The following ARHGAP28 variants were observed in gnomAD, a reference collection of about 807,000 sequenced individuals.
The protein encoded by ARHGAP28 is rho GTPase-activating protein 28.
A neutral mutation model predicts 90.7 loss-of-function variants in ARHGAP28; 56 were observed. The ratio of observed to expected loss-of-function variants is 0.62; its 90% confidence interval spans 0.50 to 0.77. The LOEUF (loss-of-function observed/expected upper bound fraction) is 0.77. Among genes scored for constraint, ARHGAP28 ranks in the 30% least tolerant of loss-of-function variants. The pLI, the probability that ARHGAP28 is intolerant of heterozygous loss-of-function variation, is 0.00. For missense variants in ARHGAP28, 869 were observed against 900.9 expected, an observed-to-expected ratio of 0.96 and a Z score of 0.45; for synonymous variants, 308 against 323.3, an observed-to-expected ratio of 0.95 and a Z score of 0.51.
chr18:6,802,665 G>C (rs777090248), intron 1 of ARHGAP28, among the ~76,000 whole-genome samples: 17 of 151,862 alleles, frequency 1.1e-4, no homozygotes, highest in Non-Finnish European at 2.2e-4. Context: ...TTGTGTTTGT[G>C]TTTTGAGGAA....
intron 5 of ARHGAP28, among the ~76,000 whole-genome samples, chr18:6,865,735 T>A (rs1360060610): frequency 8.5e-5 from 13 of 152,166 alleles, no homozygotes; most frequent in Admixed American, 8.5e-4. Context: ...TAGCAGATAG[T>A]ACCAGGCTCC....
chr18:6,805,924 C>T (rs933441210), intron 1 of ARHGAP28, among the ~76,000 whole-genome samples: 2 of 150,418 alleles, frequency 1.3e-5, no homozygotes, highest in African/African-American at 4.9e-5. Flanking sequence ...CTCACTCTGT[C>T]GCCAGGCTGG....
intron 3 of ARHGAP28, among the ~76,000 whole-genome samples, chr18:6,846,066 T>A (rs7238947): frequency 0.12 from 17,757 of 152,180 alleles, 1,412 homozygotes; most frequent in East Asian, 0.31. Context: ...CCTTTTGAAA[T>A]GGTGCATCGT....
chr18:6,852,718 G>A (rs1654751849), intron 4 of ARHGAP28, among the ~76,000 whole-genome samples: 1 of 152,154 alleles, frequency 6.6e-6, no homozygotes, highest in Non-Finnish European at 1.5e-5. Context: ...GGATGGCTAG[G>A]AGGCTCCGAT....
In ARHGAP28 at chr18:6,851,980, A is replaced by G. The variant is rs2056914129; in HGVS notation, c.636+854A>G. Reference sequence around the variant, plus strand: ...TTTGTTCATTATCTTGACTGTGGTGATGGTTTCATAGGTCTATATAGTTGT... The same window carrying G: ...TTTGTTCATTATCTTGACTGTGGTGGTGGTTTCATAGGTCTATATAGTTGT... On this transcript the variant is annotated intron_variant, in intron 4 of 17. Coordinates refer to ENST00000383472, the MANE Select transcript of ARHGAP28 (RefSeq NM_001366230.1). Among the ~76,000 whole-genome samples the G allele has an allele frequency of 2.6e-5, 4 of 152,078 alleles. No homozygotes were observed. In the South Asian group the frequency reaches 8.3e-4, roughly 32 times the overall value.
chr18:6,847,452 C>G (rs1475583955), intron 3 of ARHGAP28, among the ~76,000 whole-genome samples: 1 of 152,080 alleles, frequency 6.6e-6, no homozygotes, highest in Non-Finnish European at 1.5e-5. Context: ...CTATTTTAGA[C>G]TGGTATGTTG....
chr18:6,889,075 A>G (rs11081281), intron 12 of ARHGAP28, among the ~76,000 whole-genome samples: 40,821 of 152,100 alleles, frequency 0.27, 6,021 homozygotes, highest in East Asian at 0.38. Context: ...CGCCTGGCTC[A>G]CAGCAAACCC....
chr18:6,775,749 T>G (rs540775209), intron 1 of ARHGAP28, among the ~76,000 whole-genome samples: 1 of 152,354 alleles, frequency 6.6e-6, no homozygotes, highest in South Asian at 2.1e-4. Context: ...TTTCACATTC[T>G]ATGGTTTCTT....
At chr18:6,764,659 C>T (rs968014556) in intron 1 of ARHGAP28, among the ~76,000 whole-genome samples, 7 of 152,140 alleles carry the variant, frequency 4.6e-5, no homozygotes, top group Non-Finnish European at 8.8e-5. Context: ...GGCCAGTGAA[C>T]GAGCCAAGAG....
intron 6 of ARHGAP28, among the ~76,000 whole-genome samples, chr18:6,869,141 A>G (rs1179477288): frequency 1.3e-5 from 2 of 152,064 alleles, no homozygotes; most frequent in South Asian, 2.1e-4. Flanking sequence ...TGCTCTCCAA[A>G]GAGGCTCTTT....
rs1248929960 is a variant in ARHGAP28 at position 6,882,303 on chromosome 18, G to A, written c.1453+4G>A. On this transcript the variant is annotated splice_donor_region_variant and intron_variant, in intron 11 of 17. Coordinates refer to ENST00000383472, the MANE Select transcript of ARHGAP28 (RefSeq NM_001366230.1). ...GCCTTCATCAGTCTAATGGAAAGTA[G>A]GTGGAAGACGTTATATGTGAATACG... is the stretch of plus-strand genomic sequence containing the variant. The A allele has an allele frequency of 4.2e-5, 68 of 1,609,068 alleles. No homozygotes were observed. Among genetic ancestry groups the A allele is most frequent in the Non-Finnish European group, 5.6e-5 (66 of 1,178,266 alleles).
rs1021939047 is a variant in ARHGAP28, at chr18:6,854,629, A to C, written c.636+3503A>C. Reference sequence around the variant, plus strand: ...CTCTGTGAAGACGCCGGCTACAGCAAGGGAGGTGCAGCCAGGGTTGTGCCT... The same window carrying C: ...CTCTGTGAAGACGCCGGCTACAGCACGGGAGGTGCAGCCAGGGTTGTGCCT... On this transcript the variant is annotated intron_variant, in intron 4 of 17. Transcript: ENST00000383472. 2.1e-3 allele frequency among the ~76,000 whole-genome samples: 313 copies of C among 152,300 alleles called. 1 individual carries two copies. The highest frequency in any genetic ancestry group is 7.1e-3 in the African/African-American group (297 of 41,586).
At chr18:6,854,774 C>A (rs1372994118) in intron 4 of ARHGAP28, among the ~76,000 whole-genome samples, 1 of 130,422 alleles carries the variant, frequency 7.7e-6, no homozygotes, top group Non-Finnish European at 1.8e-5. Context: ...TGCCCACCTG[C>A]AGCTCTGGAC....
At chr18:6,767,916 C>T (rs574128130) in intron 1 of ARHGAP28, among the ~76,000 whole-genome samples, 1 of 152,294 alleles carries the variant, frequency 6.6e-6, no homozygotes, top group African/African-American at 2.4e-5. Flanking sequence ...TCCCAATCCC[C>T]ATCCTAGCAC....
chr18:6,884,093 G>A (rs112295503), intron 11 of ARHGAP28, among the ~76,000 whole-genome samples: 6 of 152,110 alleles, frequency 3.9e-5, no homozygotes, highest in Non-Finnish European at 8.8e-5. Flanking sequence ...CCTTGTTGGC[G>A]GCCAGGCGTG....
intron 16 of ARHGAP28, chr18:6,898,166 A>G (rs1017957096): frequency 1.1e-5 from 3 of 266,248 alleles, no homozygotes; most frequent in Non-Finnish European, 2.1e-5. Flanking sequence ...TGTTTCTACC[A>G]TCAGGAGAAA....
chr18:6,896,811 A>G, intron 16 of ARHGAP28, 185 bp downstream of exon 16: 1 of 627,982 alleles, frequency 1.6e-6, no homozygotes, highest in Non-Finnish European at 2.5e-6. Context: ...GCTAACAACA[A>G]AAGTTGTTTT....
rs542301165 is a variant in ARHGAP28, at chr18:6,758,089, G to C, written c.122+28146G>C. 2.0e-5 allele frequency among the ~76,000 whole-genome samples: 3 copies of C among 152,274 alleles called. No individual in the cohort carries two copies. In the South Asian group the frequency reaches 6.2e-4, roughly 32 times the overall value. On this transcript the variant is annotated intron_variant, in intron 1 of 17. Transcript: ENST00000383472. The stretch of plus-strand genomic sequence containing the variant: ...TCCCAAGTTTATTGGTGAAAGGTTT[G>C]GGAAACAAACTGATGCCTGAGGAAT...
At chr18:6,746,161 C>A (rs145065159) in intron 1 of ARHGAP28, among the ~76,000 whole-genome samples, 2 of 152,100 alleles carry the variant, frequency 1.3e-5, no homozygotes, top group Non-Finnish European at 2.9e-5. Context: ...TTTTACCTTC[C>A]CAAAGCATAT....
Sources: allele counts gnomAD v4.1 joint callset (sites outside exome capture counted in the v4.1 genomes callset), GRCh38; gene constraint gnomAD v4.1.1; transcripts MANE v1.5; gene names NCBI Gene and HGNC (gene_info 2026-07-23, HGNC 2026-07-21).